TMEM98: variants seen among roughly 807,000 people sequenced by gnomAD.
TMEM98 encodes transmembrane protein 98.
TMEM98 carries 18 observed loss-of-function variants against 25.0 expected under a neutral mutation model. The observed-to-expected ratio is 0.72, with a 90% CI of 0.50 to 1.07. The LOEUF (loss-of-function observed/expected upper bound fraction) is 1.07, where lower values mean the gene tolerates loss of function less well. TMEM98 is among the 50% of genes least tolerant of loss of function. TMEM98 has a pLI of 0.00. For synonymous variants in TMEM98, 103 were observed against 112.4 expected (o/e 0.92, Z 0.53); for missense variants, 241 against 289.0 (o/e 0.83, Z 1.20).
intron 3 of TMEM98, among the ~76,000 whole-genome samples, 193 bp from the exon 4 acceptor site, chr17:32,932,981 A>G (rs181179891): frequency 4.9e-4 from 75 of 151,720 alleles, no homozygotes; most frequent in Non-Finnish European, 3.4e-4. Context: ...TGCCTCCCCA[A>G]CTCCCTGTCT....
intron 7 of TMEM98, among the ~76,000 whole-genome samples, 160 bp downstream of exon 7, chr17:32,939,696 G>T (rs114749027): frequency 6.6e-6 from 1 of 152,172 alleles, no homozygotes; most frequent in African/African-American, 2.4e-5. Flanking sequence ...AGTGAGCGGC[G>T]CCTGACTGGG....
chr17:32,939,612 G>T, intron 7 of TMEM98, 76 bp downstream of exon 7: 1 of 1,575,014 alleles, frequency 6.3e-7, no homozygotes, highest in Non-Finnish European at 8.7e-7. Context: ...TGTGAGGCTG[G>T]CTGACTGGCT....
At chr17:32,929,687 G>C (rs1200714016) in intron 1 of TMEM98, among the ~76,000 whole-genome samples, 3 of 151,984 alleles carry the variant, frequency 2.0e-5, no homozygotes, top group Non-Finnish European at 2.9e-5. Flanking sequence ...CAGTGAGCTC[G>C]AGATGGGAGA....
intron 6 of TMEM98, among the ~76,000 whole-genome samples, chr17:32,937,733 G>T (rs1298683260): frequency 6.6e-6 from 1 of 152,152 alleles, no homozygotes; most frequent in Non-Finnish European, 1.5e-5. Context: ...TGTGATTACA[G>T]GTGCCTGCTA....
chr17:32,931,602 T>C lies in TMEM98; in HGVS notation c.74T>C (p.Leu25Pro). The change falls in exon 3 of 8, where the codon CTG becomes CCG. Residue 25 changes from leucine to proline, a missense_variant. Coordinates refer to ENST00000579849, the MANE Select transcript of TMEM98 (RefSeq NM_015544.3). ...CTGGCTTCGTTTGCAGCCTTGGTGCTGGTTTGCAGGCAGCGCTACTGCCGG... is the reference window on the plus strand; with the variant it reads ...CTGGCTTCGTTTGCAGCCTTGGTGCCGGTTTGCAGGCAGCGCTACTGCCGG... ...IFLASFAALV[L>P]VCRQRYCRPR... 1 of 1,604,716 alleles carries C rather than the reference T, an allele frequency of 6.2e-7. No individual in the cohort carries two copies. Among genetic ancestry groups the C allele is most frequent in the Non-Finnish European group, 8.5e-7 (1 of 1,175,982 alleles).
At chr17:32,938,492 A>C (rs1016274120) in intron 6 of TMEM98, among the ~76,000 whole-genome samples, 1 of 152,118 alleles carries the variant, frequency 6.6e-6, no homozygotes, top group Non-Finnish European at 1.5e-5. Context: ...TCGAGTGTTC[A>C]TGAGCAAAGA....
chr17:32,940,658 A>C (rs1448018412), intron 7 of TMEM98, 128 bp from the exon 8 acceptor site: 4 of 892,048 alleles, frequency 4.5e-6, no homozygotes, highest in Non-Finnish European at 6.9e-6. Flanking sequence ...TAAATTGCAT[A>C]CCTACCAACA....
At chr17:32,936,201 T>C (rs994750907) in intron 5 of TMEM98, 131 bp from the exon 6 acceptor site, 7 of 693,562 alleles carry the variant, frequency 1.0e-5, no homozygotes, top group Non-Finnish European at 1.2e-5. Context: ...CTCTGTACTT[T>C]TCACATCTGG....
rs552488661 is a variant in TMEM98, at chr17:32,942,150, C to T, written c.*1157C>T. ...ACATTAACAATAGCAATGACTTGAACGATGTGTTCCCCCTTTCTTCTGATA... is the reference window on the plus strand; with the variant it reads ...ACATTAACAATAGCAATGACTTGAATGATGTGTTCCCCCTTTCTTCTGATA... On this transcript the variant is annotated 3_prime_UTR_variant, in exon 8 of 8. Transcript: ENST00000579849. 1.4e-4 allele frequency: 22 copies of T among 152,300 alleles called. No individual in the cohort carries two copies. The South Asian group carries it at 3.1e-3, about 22-fold the overall frequency. The allele number at this position is 152,300 out of a possible 1,614,324, so 9.4% of individuals were successfully genotyped here.
intron 5 of TMEM98, among the ~76,000 whole-genome samples, chr17:32,934,775 C>T (rs2091487526): frequency 6.6e-6 from 1 of 152,226 alleles, no homozygotes; most frequent in African/African-American, 2.4e-5. Context: ...CCTTCTTTGG[C>T]TGTGACCGTA....
intron 6 of TMEM98, among the ~76,000 whole-genome samples, chr17:32,938,712 A>G (rs576474333): frequency 6.6e-6 from 1 of 152,280 alleles, no homozygotes; most frequent in African/African-American, 2.4e-5. Flanking sequence ...AAAAATGTGA[A>G]ATACTGCAGA....
intron 1 of TMEM98, among the ~76,000 whole-genome samples, chr17:32,929,497 A>G (rs576029886): frequency 2.6e-5 from 4 of 152,302 alleles, no homozygotes; most frequent in Non-Finnish European, 4.4e-5. Context: ...AAAGGCAGAC[A>G]TAAGAGGAGG....
intron 5 of TMEM98, among the ~76,000 whole-genome samples, chr17:32,935,361 G>A (rs563408774): frequency 6.6e-6 from 1 of 152,312 alleles, no homozygotes; most frequent in Non-Finnish European, 1.5e-5. Flanking sequence ...TGGCCAAGAT[G>A]TGTCCTGGGC....
At chr17:32,939,071 G>A (rs1480966672) in intron 6 of TMEM98, among the ~76,000 whole-genome samples, 1 of 152,038 alleles carries the variant, frequency 6.6e-6, no homozygotes, top group African/African-American at 2.4e-5. Flanking sequence ...TTAAAGACCA[G>A]GTCTGGAATA....
At chr17:32,934,480 C>A (rs964333470) in intron 5 of TMEM98, 156 bp downstream of exon 5, 1 of 708,460 alleles carries the variant, frequency 1.4e-6, no homozygotes, top group South Asian at 1.8e-5. Context: ...ACTTCCCCCC[C>A]TGCCTGGACT....
rs2091540947 is a variant in TMEM98, at chr17:32,943,459, T to A, written c.*2466T>A. 1 of 152,148 alleles carries A rather than the reference T, an allele frequency of 6.6e-6. No individual in the cohort carries two copies. The highest frequency in any genetic ancestry group is 2.1e-4 in the South Asian group (1 of 4,828). The allele number at this position is 152,148 out of a possible 1,614,324, so 9.4% of individuals were successfully genotyped here. A position where few individuals can be genotyped will look rare whatever the true frequency, so the allele number is the denominator to read the frequency against. ...AACAGACACATTCCTAAGTGCCTAG[T>A]TCTCTAGCGTCTGTATACATGGTAG... On this transcript the variant is annotated 3_prime_UTR_variant, in exon 8 of 8. Coordinates refer to ENST00000579849, the MANE Select transcript of TMEM98 (RefSeq NM_015544.3).
At chr17:32,929,978 C>A (rs1018833099) in intron 1 of TMEM98, among the ~76,000 whole-genome samples, 4 of 152,142 alleles carry the variant, frequency 2.6e-5, no homozygotes, top group African/African-American at 9.7e-5. Flanking sequence ...CTATCTATCT[C>A]CAATCTCCAG....
intron 1 of TMEM98, among the ~76,000 whole-genome samples, chr17:32,930,364 G>T (rs890978626): frequency 6.8e-6 from 1 of 146,994 alleles, no homozygotes; most frequent in Non-Finnish European, 1.5e-5. Context: ...TGTGCCTATC[G>T]ATGTGTTCAT....
At position 32,934,887 on chromosome 17, in the gene TMEM98, T is replaced by G. The variant is rs114854069; in HGVS notation, c.297+563T>G. On this transcript the variant is annotated intron_variant, in intron 5 of 7. Coordinates refer to ENST00000579849, the MANE Select transcript of TMEM98 (RefSeq NM_015544.3). ...TGAAAGCCTGGAATCTTTGAAAAAT[T>G]GCATCCAATTTGCATTTTGGGTAAT... is the stretch of plus-strand genomic sequence containing the variant. 8.1e-3 allele frequency among the ~76,000 whole-genome samples: 1,227 copies of G among 152,340 alleles called. 18 individuals carry two copies. The highest frequency in any genetic ancestry group is 0.028 in the African/African-American group (1,167 of 41,562).
Sources: allele counts gnomAD v4.1 joint callset (sites outside exome capture counted in the v4.1 genomes callset), GRCh38; gene constraint gnomAD v4.1.1; transcripts MANE v1.5; gene names NCBI Gene and HGNC (gene_info 2026-07-23, HGNC 2026-07-21).